Variants in TACC2 observed in about 807,000 individuals in gnomAD.
The protein encoded by TACC2 is transforming acidic coiled-coil-containing protein 2.
Under a neutral mutation model 227.3 loss-of-function variants are expected in TACC2, and 137 were observed. That is an observed-to-expected ratio of 0.60 (90% CI 0.52 to 0.69). The LOEUF (loss-of-function observed/expected upper bound fraction) is 0.69. Among genes scored for constraint, TACC2 ranks in the 30% least tolerant of loss-of-function variants. TACC2 has a pLI of 0.00. For synonymous variants in TACC2, 1,523 were observed against 1,487.5 expected (o/e 1.02, Z -0.55); for missense variants, 3,470 against 3,694.4 (o/e 0.94, Z 1.57).
intron 6 of TACC2, among the ~76,000 whole-genome samples, chr10:122,133,160 T>C (rs2088733343): frequency 6.6e-6 from 1 of 152,198 alleles, no homozygotes; most frequent in Non-Finnish European, 1.5e-5. Context: ...TCTTTCATTT[T>C]TTGATGGTGG....
At chr10:122,010,846 G>T (rs1955833199) in intron 1 of TACC2, among the ~76,000 whole-genome samples, 2 of 152,176 alleles carry the variant, frequency 1.3e-5, no homozygotes, top group South Asian at 4.2e-4. Context: ...TTTAAGACAA[G>T]AATTTATTTA....
intron 15 of TACC2, 37 bp from the exon 16 acceptor site, chr10:122,230,314 C>T: frequency 6.5e-7 from 1 of 1,532,772 alleles, no homozygotes; most frequent in African/African-American, 1.4e-5. Flanking sequence ...TGTCTTGATG[C>T]ATTTCCCTGC....
rs1362246338 is a variant in TACC2, at chr10:122,069,534, G to A, written c.147-13113G>A. Among the ~76,000 whole-genome samples, 9 of 152,260 alleles carry A rather than the reference G, an allele frequency of 5.9e-5. No homozygotes were observed. The South Asian group carries it at 1.0e-3, about 18-fold the overall frequency. On this transcript the variant is annotated intron_variant, in intron 3 of 22. Coordinates refer to ENST00000369005, the MANE Select transcript of TACC2 (RefSeq NM_206862.4). Reference sequence around the variant, plus strand: ...TGGGATTACAGGTGTGAGCCACTGCGCCTGGCCCCCATTGTTTTCTTCTAT... The same window carrying A: ...TGGGATTACAGGTGTGAGCCACTGCACCTGGCCCCCATTGTTTTCTTCTAT...
At chr10:122,062,827 T>G (rs894847674) in intron 3 of TACC2, among the ~76,000 whole-genome samples, 3 of 152,226 alleles carry the variant, frequency 2.0e-5, no homozygotes, top group African/African-American at 7.2e-5. Flanking sequence ...TCCGTTTCAC[T>G]GTCATTTGTG....
At position 122,237,903 on chromosome 10, in the gene TACC2, C is replaced by T. The variant is rs374576336; in HGVS notation, c.8272-58C>T. On this transcript the variant is annotated intron_variant, in intron 17 of 22. Coordinates refer to ENST00000369005, the MANE Select transcript of TACC2 (RefSeq NM_206862.4). ...TCTCCTTTTCTTGATCTATGAATTG[C>T]TCAGAGCTGAATTCACTCATTTGGG... is the stretch of plus-strand genomic sequence containing the variant. The T allele has an allele frequency of 7.8e-4, 1,018 of 1,299,256 alleles. 4 individuals are homozygous for T. The highest frequency in any genetic ancestry group is 3.6e-3 in the South Asian group (289 of 80,936). The allele number at this position is 1,299,256 out of a possible 1,614,324, so 80.5% of individuals were successfully genotyped here.
At chr10:122,120,196 CT>C (rs1294523499) in intron 5 of TACC2, among the ~76,000 whole-genome samples, 1 of 152,198 alleles carries the variant, frequency 6.6e-6, no homozygotes, top group Non-Finnish European at 1.5e-5. Flanking sequence ...AGGTCACCCC[CT>C]GCCTCCCGTC....
chr10:122,159,258 A>C (rs543959641), intron 7 of TACC2, among the ~76,000 whole-genome samples: 178 of 152,340 alleles, frequency 1.2e-3, no homozygotes, highest in Non-Finnish European at 2.2e-3. Context: ...TTGCAAAGGC[A>C]GTGGACGACT....
chr10:122,014,488 G>A (rs1956326360), intron 1 of TACC2, among the ~76,000 whole-genome samples: 1 of 152,092 alleles, frequency 6.6e-6, no homozygotes, highest in South Asian at 2.1e-4. Context: ...TGGGATTACA[G>A]GCATGAGCCA....
chr10:122,079,089 C>T (rs2079156711), intron 3 of TACC2: 1 of 152,210 alleles, frequency 6.6e-6, no homozygotes, highest in South Asian at 2.1e-4. Flanking sequence ...CTTGATAAAG[C>T]CGACATAAAT....
chr10:122,161,082 C>T (rs1056453549), intron 7 of TACC2, among the ~76,000 whole-genome samples: 1 of 152,104 alleles, frequency 6.6e-6, no homozygotes, highest in African/African-American at 2.4e-5. Context: ...CACAGTTATG[C>T]ACCACCACAC....
At chr10:122,124,294 C>G (rs1215035967) in intron 5 of TACC2, among the ~76,000 whole-genome samples, 1 of 152,194 alleles carries the variant, frequency 6.6e-6, no homozygotes, top group Non-Finnish European at 1.5e-5. Context: ...GCCTCTGGAA[C>G]AACTAACTCC....
At chr10:122,147,466 T>A (rs1417864667) in intron 7 of TACC2, among the ~76,000 whole-genome samples, 1 of 152,128 alleles carries the variant, frequency 6.6e-6, no homozygotes, top group Non-Finnish European at 1.5e-5. Context: ...TTTCCCCCAT[T>A]TCAGTACTGT....
At chr10:122,106,667 A>T (rs909905241) in intron 5 of TACC2, among the ~76,000 whole-genome samples, 3 of 152,170 alleles carry the variant, frequency 2.0e-5, no homozygotes, top group Non-Finnish European at 4.4e-5. Flanking sequence ...TCCTTTCTGA[A>T]GCCTTAGGTT....
intron 3 of TACC2, among the ~76,000 whole-genome samples, chr10:122,080,203 T>C (rs1415046714): frequency 7.0e-6 from 1 of 143,006 alleles, no homozygotes; most frequent in African/African-American, 2.6e-5. Context: ...CTGGTGTCTC[T>C]TCCTTTCCTT....
intron 2 of TACC2, among the ~76,000 whole-genome samples, chr10:122,037,445 C>G (rs1473522330): frequency 6.6e-6 from 1 of 152,236 alleles, no homozygotes; most frequent in Non-Finnish European, 1.5e-5. Context: ...GGAAGCAGAG[C>G]AGCTGACGGT....
At position 122,131,177 on chromosome 10, in the gene TACC2, CAAAAAAA is replaced by C. The variant is rs10572276; in HGVS notation, c.5574-1414_5574-1408del. ...TGGGCAGCAGAGGGAGACGCTTTCT[CAAAAAAA>C]AAAAAAAAAAAAAAAAATCTGACTC... On this transcript the variant is annotated intron_variant, in intron 5 of 22. Coordinates refer to ENST00000369005, the MANE Select transcript of TACC2 (RefSeq NM_206862.4). Among the ~76,000 whole-genome samples the C allele has an allele frequency of 1.2e-3, 119 of 95,284 alleles. 1 individual carries two copies. Among genetic ancestry groups the C allele is most frequent in the Non-Finnish European group, 4.3e-4 (20 of 46,444 alleles). The allele number at this position is 95,284 out of a possible 152,430, so 62.5% of individuals were successfully genotyped here. A position where few individuals can be genotyped will look rare whatever the true frequency, so the allele number is the denominator to read the frequency against.
At chr10:122,072,957 C>CA (rs1223087457) in intron 3 of TACC2, among the ~76,000 whole-genome samples, 11 of 151,324 alleles carry the variant, frequency 7.3e-5, no homozygotes, top group East Asian at 5.9e-4. Context: ...ACTAAAAATA[C>CA]AAAAAATTAG....
Position 122,087,910 on chromosome 10 carries a change from C to T in TACC2, c.5410C>T (p.His1804Tyr), listed in dbSNP as rs1480430073. Reference sequence around the variant, plus strand: ...CTCACCTCCAGAGCCTGACGAAACTCACGACCCGAAGCTGCAACATTTGGC... The same window carrying T: ...CTCACCTCCAGAGCCTGACGAAACTTACGACCCGAAGCTGCAACATTTGGC... ...VSSPPEPDETHDPKLQHLAPE... is the reference protein window; with the variant it reads ...VSSPPEPDETYDPKLQHLAPE... The change falls in exon 4 of 23, where the codon CAC becomes TAC. Residue 1804 changes from histidine to tyrosine, a missense_variant. His to Tyr is a moderately conservative substitution (Grantham distance 83). Coordinates refer to ENST00000369005, the MANE Select transcript of TACC2 (RefSeq NM_206862.4). 1 of 1,512,992 alleles carries T rather than the reference C, an allele frequency of 6.6e-7. No homozygotes were observed. Among genetic ancestry groups the T allele is most frequent in the Non-Finnish European group, 8.8e-7 (1 of 1,131,246 alleles). 93.7% of individuals were successfully genotyped at this position (1,512,992 alleles called of 1,614,324 possible). A position where few individuals can be genotyped will look rare whatever the true frequency, so the allele number is the denominator to read the frequency against.
intron 7 of TACC2, among the ~76,000 whole-genome samples, chr10:122,154,360 A>G (rs1267422475): frequency 6.6e-6 from 1 of 152,230 alleles, no homozygotes; most frequent in Non-Finnish European, 1.5e-5. Context: ...GTCACTGCAC[A>G]GGGGAAATGC....
Sources: allele counts gnomAD v4.1 joint callset (sites outside exome capture counted in the v4.1 genomes callset), GRCh38; gene constraint gnomAD v4.1.1; transcripts MANE v1.5; gene names NCBI Gene and HGNC (gene_info 2026-07-23, HGNC 2026-07-21).